Variants in DIAPH3 observed in about 807,000 individuals in gnomAD.
DIAPH3 encodes the protein diaphanous related formin 3, also known as protein diaphanous homolog 3.
DIAPH3 carries 117 observed loss-of-function variants against 144.3 expected under a neutral mutation model. The ratio of observed to expected loss-of-function variants is 0.81; its 90% CI spans 0.70 to 0.95. The LOEUF (loss-of-function observed/expected upper bound fraction) is 0.95, where lower values mean the gene tolerates loss of function less well. Ranked by LOEUF, DIAPH3 falls within the 40% of genes least tolerant of loss-of-function variation. DIAPH3 has a pLI of 0.00. For synonymous variants in DIAPH3, 519 were observed against 488.9 expected (o/e 1.06, Z -0.81); for missense variants, 1,421 against 1,412.7 (o/e 1.01, Z -0.09).
chr13:59,743,231 G>C (rs2036548072), intron 27 of DIAPH3, among the ~76,000 whole-genome samples: 1 of 152,218 alleles, frequency 6.6e-6, no homozygotes. Flanking sequence ...AAGGGAGAAT[G>C]ATTGGGATGT....
chr13:59,743,295 C>T (rs1161481075), intron 27 of DIAPH3, among the ~76,000 whole-genome samples: 1 of 152,118 alleles, frequency 6.6e-6, no homozygotes, highest in African/African-American at 2.4e-5. Context: ...AGCAGTGGCA[C>T]TCAAAGAGAC....
chr13:60,116,778 G>A (rs1179532486), intron 2 of DIAPH3, among the ~76,000 whole-genome samples: 1 of 151,900 alleles, frequency 6.6e-6, no homozygotes, highest in Non-Finnish European at 1.5e-5. Context: ...AGTAATAGAA[G>A]ACATAAAATC....
chr13:60,099,395 G>A (rs778856726), intron 3 of DIAPH3, among the ~76,000 whole-genome samples: 2 of 152,122 alleles, frequency 1.3e-5, no homozygotes, highest in East Asian at 1.9e-4. Context: ...TTGTAGACAT[G>A]GTGGGATGCG....
At chr13:59,925,013 A>G (rs2047688029) in intron 17 of DIAPH3, 143 bp from the exon 18 acceptor site, 2 of 1,395,498 alleles carry the variant, frequency 1.4e-6, no homozygotes, top group Middle Eastern at 2.5e-4. Flanking sequence ...AAAACGATAG[A>G]TATCCCAAGA....
intron 27 of DIAPH3, among the ~76,000 whole-genome samples, chr13:59,741,295 G>C (rs2036430607): frequency 6.6e-6 from 1 of 152,156 alleles, no homozygotes; most frequent in Non-Finnish European, 1.5e-5. Flanking sequence ...CAAAAAATCT[G>C]AGTGAATATC....
chr13:60,038,776 C>CA (rs975424105), intron 5 of DIAPH3, among the ~76,000 whole-genome samples: 4 of 151,812 alleles, frequency 2.6e-5, no homozygotes, highest in African/African-American at 7.3e-5. Context: ...GATTTTGAGA[C>CA]AAAAAATCTT....
intron 5 of DIAPH3, among the ~76,000 whole-genome samples, chr13:60,036,362 ATT>A (rs551527190): frequency 4.5e-4 from 68 of 152,208 alleles, no homozygotes; most frequent in African/African-American, 1.6e-3. Context: ...ATATATATAT[ATT>A]GTCCAAAATG....
intron 25 of DIAPH3, among the ~76,000 whole-genome samples, chr13:59,777,431 T>C (rs76430940): frequency 0.046 from 6,943 of 152,250 alleles, 244 homozygotes; most frequent in South Asian, 0.11. Flanking sequence ...ATGTCAAAGA[T>C]ATGAGGGAAC....
intron 27 of DIAPH3, among the ~76,000 whole-genome samples, chr13:59,680,244 A>T (rs1185482794): frequency 6.6e-6 from 1 of 152,218 alleles, no homozygotes; most frequent in Non-Finnish European, 1.5e-5. Flanking sequence ...TGTCATACAT[A>T]TGTATCCTAT....
chr13:60,029,518 T>A (rs1243245631), intron 5 of DIAPH3, among the ~76,000 whole-genome samples: 1 of 152,212 alleles, frequency 6.6e-6, no homozygotes, highest in Non-Finnish European at 1.5e-5. Flanking sequence ...TCCCCTATGC[T>A]AGTCTCTTGA....
intron 12 of DIAPH3, among the ~76,000 whole-genome samples, chr13:59,984,563 A>T (rs1022866766): frequency 2.6e-5 from 4 of 151,850 alleles, no homozygotes; most frequent in Non-Finnish European, 4.4e-5. Flanking sequence ...AACAAAATTG[A>T]TAGATCGCTA....
chr13:59,693,332 C>G, intron 27 of DIAPH3, among the ~76,000 whole-genome samples: 1 of 152,206 alleles, frequency 6.6e-6, no homozygotes, highest in South Asian at 2.1e-4. Flanking sequence ...CAGGAAGCCA[C>G]TAAAAGATGT....
chr13:59,956,841 C>G (rs1387067463), intron 17 of DIAPH3, among the ~76,000 whole-genome samples: 1 of 152,212 alleles, frequency 6.6e-6, no homozygotes, highest in Non-Finnish European at 1.5e-5. Context: ...GAACACACCT[C>G]TTGCATTAGT....
intron 20 of DIAPH3, among the ~76,000 whole-genome samples, chr13:59,895,707 A>C (rs1209500659): frequency 6.6e-6 from 1 of 152,200 alleles, no homozygotes; most frequent in Non-Finnish European, 1.5e-5. Context: ...AGAAATTTTC[A>C]AGTGCTTGGC....
intron 27 of DIAPH3, among the ~76,000 whole-genome samples, chr13:59,716,981 C>G (rs959391578): frequency 7.9e-5 from 12 of 151,850 alleles, no homozygotes; most frequent in Non-Finnish European, 1.6e-4. Flanking sequence ...AAAAATCTCA[C>G]TTAATTTTTT....
intron 20 of DIAPH3, among the ~76,000 whole-genome samples, chr13:59,910,873 A>G (rs985928213): frequency 1.4e-5 from 2 of 148,142 alleles, no homozygotes; most frequent in African/African-American, 5.0e-5. Context: ...GAATGCGTTT[A>G]TGAAGAGATA....
At chr13:59,801,956 GT>G (rs556409740) in intron 25 of DIAPH3, among the ~76,000 whole-genome samples, 4 of 151,834 alleles carry the variant, frequency 2.6e-5, no homozygotes, top group Admixed American at 6.6e-5. Flanking sequence ...CTACTGAGTT[GT>G]TTTTTTTCCC....
intron 23 of DIAPH3, among the ~76,000 whole-genome samples, chr13:59,833,810 G>A (rs1331630815): frequency 6.6e-6 from 1 of 151,598 alleles, no homozygotes; most frequent in Non-Finnish European, 1.5e-5. Flanking sequence ...CTATTGAGAG[G>A]ACTAAATGAG....
chr13:60,158,226 A>G (rs961315093), intron 1 of DIAPH3, among the ~76,000 whole-genome samples: 5 of 152,188 alleles, frequency 3.3e-5, no homozygotes, highest in South Asian at 2.1e-4. Flanking sequence ...CTGTGGTCCA[A>G]TGAGATCTCA....
Sources: gnomAD v4.1 joint callset for allele counts (sites outside exome capture counted in the v4.1 genomes callset) on GRCh38, gnomAD v4.1.1 for gene constraint, MANE v1.5 for transcripts, NCBI Gene and HGNC (gene_info 2026-07-23, HGNC 2026-07-21) for gene names.